The following SLC44A5 variants were observed in gnomAD, a reference collection of about 807,000 sequenced individuals.
SLC44A5 encodes choline transporter-like protein 5.
SLC44A5 carries 57 observed loss-of-function variants against 101.8 expected under a neutral mutation model. That is an observed-to-expected ratio of 0.56 (90% CI 0.45 to 0.70). The LOEUF (loss-of-function observed/expected upper bound fraction) is 0.70. SLC44A5 is among the 30% of genes least tolerant of loss of function. The pLI, the probability that SLC44A5 is intolerant of heterozygous loss-of-function variation, is 0.00. For missense variants in SLC44A5, 737 were observed against 853.1 expected, an observed-to-expected ratio of 0.86 and a Z score of 1.70; for synonymous variants, 281 against 290.9, an observed-to-expected ratio of 0.97 and a Z score of 0.35.
intron 3 of SLC44A5, among the ~76,000 whole-genome samples, chr1:75,391,448 A>C (rs1360004917): frequency 6.6e-6 from 1 of 152,190 alleles, no homozygotes; most frequent in East Asian, 1.9e-4. Flanking sequence ...AACTTCAGAC[A>C]TCACATTACC....
intron 5 of SLC44A5, among the ~76,000 whole-genome samples, chr1:75,297,529 C>T (rs1654058102): frequency 1.3e-5 from 2 of 152,184 alleles, no homozygotes; most frequent in Non-Finnish European, 2.9e-5. Flanking sequence ...AAGCTATCAG[C>T]CAGCCTTGGC....
At chr1:75,454,560 AG>A (rs1666082964) in intron 2 of SLC44A5, among the ~76,000 whole-genome samples, 1 of 152,090 alleles carries the variant, frequency 6.6e-6, no homozygotes, top group Non-Finnish European at 1.5e-5. Context: ...CAATCAGATA[AG>A]AGAAATAAAT....
chr1:75,297,870 C>T (rs953918405), intron 5 of SLC44A5, among the ~76,000 whole-genome samples: 15 of 152,072 alleles, frequency 9.9e-5, no homozygotes, highest in African/African-American at 3.6e-4. Context: ...GTCTCTGTTG[C>T]ACTGAAGTAT....
intron 2 of SLC44A5, among the ~76,000 whole-genome samples, chr1:75,415,288 T>C (rs1663564389): frequency 6.6e-6 from 1 of 152,186 alleles, no homozygotes; most frequent in African/African-American, 2.4e-5. Flanking sequence ...GTTCTCATGA[T>C]AGTGAGTGGG....
At chr1:75,640,737 G>A in the SLC44A5 span, among the ~76,000 whole-genome samples, 1 of 152,086 alleles carries the variant, frequency 6.6e-6, no homozygotes, top group Non-Finnish European at 1.5e-5. Context: ...GGATCATGAA[G>A]TAGAGTTGTG....
chr1:75,660,315 T>C, the SLC44A5 span, among the ~76,000 whole-genome samples: 1 of 152,254 alleles, frequency 6.6e-6, no homozygotes, highest in South Asian at 2.1e-4. Context: ...ACAAACTGGA[T>C]ATAGAAGGAA....
chr1:75,219,417 C>T, intron 15 of SLC44A5, 73 bp from the exon 16 acceptor site: 1 of 991,730 alleles, frequency 1.0e-6, no homozygotes, highest in Non-Finnish European at 1.6e-6. Flanking sequence ...ACAATACTGA[C>T]AACTCAAAAG....
intron 13 of SLC44A5, among the ~76,000 whole-genome samples, chr1:75,226,844 C>T (rs997319797): frequency 6.6e-6 from 1 of 152,010 alleles, no homozygotes; most frequent in Non-Finnish European, 1.5e-5. Context: ...AAAACCATCA[C>T]TAAAATCATC....
intron 2 of SLC44A5, among the ~76,000 whole-genome samples, chr1:75,429,939 G>C (rs1664517953): frequency 6.6e-6 from 1 of 152,138 alleles, no homozygotes; most frequent in African/African-American, 2.4e-5. Flanking sequence ...GGGAGCTAAG[G>C]ATACAAATTC....
At chr1:75,424,778 T>A (rs936081370) in intron 2 of SLC44A5, among the ~76,000 whole-genome samples, 2 of 152,122 alleles carry the variant, frequency 1.3e-5, no homozygotes, top group Non-Finnish European at 2.9e-5. Context: ...TTCTCTGCAA[T>A]CAAATTGCAA....
chr1:75,233,077 A>T (rs1478948377), intron 12 of SLC44A5, among the ~76,000 whole-genome samples: 4 of 152,138 alleles, frequency 2.6e-5, no homozygotes, highest in Non-Finnish European at 5.9e-5. Context: ...GAAGACTGAA[A>T]GGAAGCTTCC....
chr1:75,388,029 G>A lies in SLC44A5; in HGVS notation c.52+8554C>T, dbSNP rs1244721206. 7.1e-5 allele frequency among the ~76,000 whole-genome samples: 10 copies of A among 140,318 alleles called. No homozygotes were observed. In the East Asian group the frequency reaches 1.5e-3, roughly 21 times the overall value. The allele number at this position is 140,318 out of a possible 152,430, so 92.1% of individuals were successfully genotyped here. A position where few individuals can be genotyped will look rare whatever the true frequency, so the allele number is the denominator to read the frequency against. On this transcript the variant is annotated intron_variant, in intron 3 of 23. Coordinates refer to ENST00000370859, the MANE Select transcript of SLC44A5 (RefSeq NM_001130058.2). ...TGAACAATGAGATCACCTGGACACA[G>A]GAAGGGGAATATCACACTCTGGTGA...
intron 3 of SLC44A5, among the ~76,000 whole-genome samples, chr1:75,386,011 C>A (rs928864174): frequency 1.3e-5 from 2 of 152,116 alleles, no homozygotes; most frequent in African/African-American, 4.8e-5. Context: ...TTCAACAACC[C>A]CTCATGCTAA....
In SLC44A5 at chr1:75,391,999, A is replaced by G. The variant is rs938779360; in HGVS notation, c.52+4584T>C. 4.6e-5 allele frequency among the ~76,000 whole-genome samples: 7 copies of G among 152,264 alleles called. No individual in the cohort carries two copies. The South Asian group carries it at 6.2e-4, about 14-fold the overall frequency. ...TGAGACCCCCATCTCTACAAAAAGCATAGAAATTAGCCAGGCATCGTGGCA... is the reference window on the plus strand; with the variant it reads ...TGAGACCCCCATCTCTACAAAAAGCGTAGAAATTAGCCAGGCATCGTGGCA... On this transcript the variant is annotated intron_variant, in intron 3 of 23. Coordinates refer to ENST00000370859, the MANE Select transcript of SLC44A5 (RefSeq NM_001130058.2).
intron 1 of SLC44A5, among the ~76,000 whole-genome samples, chr1:75,562,054 C>T (rs1454889200): frequency 6.6e-6 from 1 of 151,978 alleles, no homozygotes; most frequent in Non-Finnish European, 1.5e-5. Flanking sequence ...TCCTGTGACA[C>T]ATGTATACTT....
chr1:75,405,742 C>A (rs1050986686), intron 2 of SLC44A5, among the ~76,000 whole-genome samples: 4 of 152,050 alleles, frequency 2.6e-5, no homozygotes, highest in African/African-American at 9.7e-5. Context: ...CAAGTGCCCA[C>A]AGGAGAAAGA....
chr1:75,496,835 ATTT>A (rs779909813), intron 2 of SLC44A5, among the ~76,000 whole-genome samples: 19 of 152,078 alleles, frequency 1.2e-4, no homozygotes, highest in Non-Finnish European at 2.5e-4. Context: ...TTAAATAAAA[ATTT>A]TTCCAAGGAA....
chr1:75,451,439 C>T (rs1321573138), intron 2 of SLC44A5, among the ~76,000 whole-genome samples: 3 of 151,962 alleles, frequency 2.0e-5, no homozygotes, highest in Admixed American at 2.0e-4. Context: ...AGAACCCTAC[C>T]CAGCATTCTC....
chr1:75,280,630 C>T (rs1253414013), intron 5 of SLC44A5, among the ~76,000 whole-genome samples: 2 of 150,092 alleles, frequency 1.3e-5, no homozygotes, highest in Admixed American at 6.8e-5. Flanking sequence ...AAATTATAAT[C>T]CTCACGTGTT....
Sources: gnomAD v4.1 joint callset for allele counts (sites outside exome capture counted in the v4.1 genomes callset) on GRCh38, gnomAD v4.1.1 for gene constraint, MANE v1.5 for transcripts, NCBI Gene and HGNC (gene_info 2026-07-23, HGNC 2026-07-21) for gene names.